GMDS: variants seen among roughly 807,000 people sequenced by gnomAD.
GMDS encodes the protein GDP-mannose 4,6-dehydratase, also known as GDP-mannose 4,6 dehydratase.
In GMDS, 20 loss-of-function variants were observed where a neutral mutation model predicts 49.9. That is an observed-to-expected ratio of 0.40 (90% CI 0.28 to 0.58). The LOEUF is 0.58. GMDS is among the 20% of genes least tolerant of loss of function. The probability of loss-of-function intolerance (pLI) is 0.42; values close to 1 mark genes in which losing one functional copy is unlikely to be tolerated. For synonymous variants in GMDS, 177 were observed against 178.6 expected, an observed-to-expected ratio of 0.99 and a Z score of 0.07; for missense variants, 362 against 481.4, an observed-to-expected ratio of 0.75 and a Z score of 2.32.
At chr6:1,878,267 A>C (rs1759188765) in intron 7 of GMDS, among the ~76,000 whole-genome samples, 1 of 133,946 alleles carries the variant, frequency 7.5e-6, no homozygotes, top group Non-Finnish European at 1.5e-5. Flanking sequence ...GTGAGCCGAG[A>C]TTGCACCACT....
At chr6:1,891,290 C>A (rs1759855942) in intron 7 of GMDS, among the ~76,000 whole-genome samples, 1 of 152,152 alleles carries the variant, frequency 6.6e-6, no homozygotes, top group Admixed American at 6.5e-5. Flanking sequence ...GAAATAAATT[C>A]ATGTCTAAAT....
At chr6:1,668,791 A>T (rs1764316678) in intron 9 of GMDS, among the ~76,000 whole-genome samples, 2 of 152,246 alleles carry the variant, frequency 1.3e-5, no homozygotes, top group Admixed American at 1.3e-4. Context: ...ATTAAGGGGA[A>T]GAAAACAATG....
chr6:1,694,076 C>A (rs1765260423), intron 9 of GMDS, among the ~76,000 whole-genome samples: 1 of 152,100 alleles, frequency 6.6e-6, no homozygotes, highest in African/African-American at 2.4e-5. Flanking sequence ...AGATCCTGGG[C>A]CCCCAAAGTG....
At position 1,639,376 on chromosome 6, in the gene GMDS, A is replaced by C. The variant is rs138561831; in HGVS notation, c.988-14836T>G. Among the ~76,000 whole-genome samples, 35 of 152,332 alleles carry C rather than the reference A, an allele frequency of 2.3e-4. No homozygotes were observed. In the East Asian group the frequency reaches 5.6e-3, roughly 24 times the overall value. On this transcript the variant is annotated intron_variant, in intron 9 of 10. Transcript: ENST00000380815. ...TACTTCCCAGAGAAGATATTCCCTG[A>C]GCTGGGTTGTGAGGAACGAGCAGAA...
At chr6:1,754,000 A>G (rs765428229) in intron 7 of GMDS, among the ~76,000 whole-genome samples, 4 of 152,210 alleles carry the variant, frequency 2.6e-5, no homozygotes, top group Non-Finnish European at 5.9e-5. Context: ...AAATAAATTC[A>G]AAAGCTAGCA....
chr6:1,823,283 C>T (rs973331846), intron 7 of GMDS, among the ~76,000 whole-genome samples: 3 of 152,096 alleles, frequency 2.0e-5, no homozygotes, highest in African/African-American at 4.8e-5. Context: ...TACTATATAT[C>T]GTGACACCAA....
At chr6:1,917,025 C>T (rs1408657098) in intron 7 of GMDS, among the ~76,000 whole-genome samples, 1 of 152,088 alleles carries the variant, frequency 6.6e-6, no homozygotes, top group African/African-American at 2.4e-5. Context: ...CTGTTTAGGA[C>T]ACAGGGACTG....
intron 5 of GMDS, among the ~76,000 whole-genome samples, chr6:1,960,305 T>C (rs1379926467): frequency 6.6e-6 from 1 of 152,240 alleles, no homozygotes; most frequent in Non-Finnish European, 1.5e-5. Flanking sequence ...ACATTCCAAC[T>C]GCTTTGAAAT....
chr6:2,103,622 T>G (rs549447722), intron 4 of GMDS, among the ~76,000 whole-genome samples: 80 of 152,298 alleles, frequency 5.3e-4, no homozygotes, highest in African/African-American at 1.8e-3. Flanking sequence ...ACAAATTGCT[T>G]TTCTACAACT....
At chr6:2,146,868 T>A (rs924416275) in intron 1 of GMDS, among the ~76,000 whole-genome samples, 1 of 152,172 alleles carries the variant, frequency 6.6e-6, no homozygotes, top group African/African-American at 2.4e-5. Context: ...TTAAGTACAA[T>A]CTAACAGCAA....
chr6:2,021,966 A>G (rs1308991007), intron 4 of GMDS, among the ~76,000 whole-genome samples: 2 of 152,206 alleles, frequency 1.3e-5, no homozygotes, highest in Non-Finnish European at 2.9e-5. Context: ...AGCAGGCCCA[A>G]CATCAAATGG....
At chr6:2,139,358 T>C (rs942329182) in intron 1 of GMDS, among the ~76,000 whole-genome samples, 2 of 152,170 alleles carry the variant, frequency 1.3e-5, no homozygotes, top group Non-Finnish European at 2.9e-5. Flanking sequence ...ACCAGCAAGA[T>C]TGGTAGTGTG....
chr6:2,125,401 T>C (rs569143671), intron 1 of GMDS, among the ~76,000 whole-genome samples: 1 of 152,124 alleles, frequency 6.6e-6, no homozygotes, highest in South Asian at 2.1e-4. Context: ...ACTGTTGTAT[T>C]ACAGGTGTGA....
intron 9 of GMDS, among the ~76,000 whole-genome samples, chr6:1,629,406 G>C (rs147209382): frequency 6.6e-6 from 1 of 152,002 alleles, no homozygotes; most frequent in Non-Finnish European, 1.5e-5. Flanking sequence ...AACAGCAGGC[G>C]GTCCTGTCTG....
At chr6:2,183,720 G>A (rs1778656401) in intron 1 of GMDS, among the ~76,000 whole-genome samples, 1 of 152,088 alleles carries the variant, frequency 6.6e-6, no homozygotes. Context: ...CAACCAATGT[G>A]GCAAACTTTA....
At chr6:1,653,153 C>T (rs969322607) in intron 9 of GMDS, among the ~76,000 whole-genome samples, 5 of 152,058 alleles carry the variant, frequency 3.3e-5, no homozygotes, top group Non-Finnish European at 5.9e-5. Flanking sequence ...TTCCCATCTA[C>T]ACTCTTATTT....
chr6:2,110,428 G>T (rs1236698501), intron 4 of GMDS, among the ~76,000 whole-genome samples: 2 of 152,096 alleles, frequency 1.3e-5, no homozygotes, highest in African/African-American at 4.8e-5. Context: ...TAATTCCTAT[G>T]GCTATTTTTA....
intron 7 of GMDS, among the ~76,000 whole-genome samples, chr6:1,779,602 G>C (rs551971768): frequency 6.6e-6 from 1 of 152,072 alleles, no homozygotes; most frequent in Non-Finnish European, 1.5e-5. Context: ...GTGTGAAAAC[G>C]AATGTCCTCT....
intron 7 of GMDS, among the ~76,000 whole-genome samples, chr6:1,765,832 G>A (rs902175077): frequency 3.3e-5 from 5 of 152,080 alleles, no homozygotes; most frequent in African/African-American, 4.8e-5. Context: ...TAACTCCTTC[G>A]GCACAGTGGA....
Sources: allele counts gnomAD v4.1 joint callset (sites outside exome capture counted in the v4.1 genomes callset), GRCh38; gene constraint gnomAD v4.1.1; transcripts MANE v1.5; gene names NCBI Gene and HGNC (gene_info 2026-07-23, HGNC 2026-07-21).